The following ADAM32 variants were observed in gnomAD, a reference collection of about 807,000 sequenced individuals.
ADAM32 encodes the protein disintegrin and metalloproteinase domain-containing protein 32.
A neutral mutation model predicts 114.9 loss-of-function variants in ADAM32; 89 were observed. The ratio of observed to expected loss-of-function variants is 0.77; its 90% confidence interval spans 0.65 to 0.92. The LOEUF is 0.92. Ranked by LOEUF, ADAM32 falls within the 40% of genes least tolerant of loss-of-function variation. The pLI is 0.00. For missense variants in ADAM32, 870 were observed against 932.8 expected (o/e 0.93, Z 0.88); for synonymous variants, 285 against 307.5 (o/e 0.93, Z 0.77).
At chr8:39,271,641 G>A (rs1404558186) in intron 20 of ADAM32, among the ~76,000 whole-genome samples, 1 of 151,834 alleles carries the variant, frequency 6.6e-6, no homozygotes, top group African/African-American at 2.4e-5. Flanking sequence ...TTTTTAAATT[G>A]TTTAGGGAAA....
intron 17 of ADAM32, among the ~76,000 whole-genome samples, chr8:39,253,795 G>A (rs1811458232): frequency 6.6e-6 from 1 of 151,412 alleles, no homozygotes; most frequent in South Asian, 2.1e-4. Context: ...ATATTCCACG[G>A]ATTGAAGAAA....
rs1804422749 is a variant in ADAM32 at position 39,160,377 on chromosome 8, A to G, written c.526-520A>G. ...AACACAGTGAAACTCCGCCTCTACTAAAAATACAAAAAATTAGCCCGGCGT... is the reference window on the plus strand; with the variant it reads ...AACACAGTGAAACTCCGCCTCTACTGAAAATACAAAAAATTAGCCCGGCGT... On this transcript the variant is annotated intron_variant, in intron 6 of 24. Coordinates refer to ENST00000379907, the MANE Select transcript of ADAM32 (RefSeq NM_145004.7). Among the ~76,000 whole-genome samples, 3 of 152,064 alleles carry G rather than the reference A, an allele frequency of 2.0e-5. 1 individual carries two copies. In the South Asian group the frequency reaches 6.2e-4, roughly 32 times the overall value.
At chr8:39,209,721 C>T (rs1248760910) in intron 11 of ADAM32, among the ~76,000 whole-genome samples, 2 of 152,208 alleles carry the variant, frequency 1.3e-5, no homozygotes, top group African/African-American at 2.4e-5. Flanking sequence ...CGCTGTGGCT[C>T]TCTTGAAGAT....
chr8:39,243,863 A>G (rs532320072), intron 16 of ADAM32, among the ~76,000 whole-genome samples: 4 of 152,270 alleles, frequency 2.6e-5, no homozygotes, highest in African/African-American at 7.2e-5. Flanking sequence ...TGCCAATGAT[A>G]TGATCATATA....
chr8:39,283,486 G>A, intron 23 of ADAM32, 100 bp from the exon 24 acceptor site: 5 of 741,726 alleles, frequency 6.7e-6, no homozygotes, highest in South Asian at 2.9e-5. Flanking sequence ...GTACAACTTT[G>A]AACGGAAAGA....
chr8:39,172,927 C>T (rs752358532), intron 10 of ADAM32, among the ~76,000 whole-genome samples: 1 of 152,182 alleles, frequency 6.6e-6, no homozygotes, highest in Non-Finnish European at 1.5e-5. Flanking sequence ...CAGTGTCTTC[C>T]ACAATGGCTG....
chr8:39,187,110 T>A (rs1328832545), intron 11 of ADAM32, 65 bp downstream of exon 11: 1 of 1,455,464 alleles, frequency 6.9e-7, no homozygotes, highest in African/African-American at 1.4e-5. Context: ...AGTGTGAAAA[T>A]TTAGTATTTA....
chr8:39,282,792 G>T (rs951753962), intron 23 of ADAM32, among the ~76,000 whole-genome samples: 1 of 151,952 alleles, frequency 6.6e-6, no homozygotes, highest in African/African-American at 2.4e-5. Context: ...AAATCTAATG[G>T]GTGTACATTT....
Position 39,153,086 on chromosome 8 carries a change from T to G in ADAM32, c.525+1538T>G, listed in dbSNP as rs1483013265. ...GGAACTACCATACCTCTTCACAAATTTATGTGAGAGAGAAATAGACTCTAA... is the reference window on the plus strand; with the variant it reads ...GGAACTACCATACCTCTTCACAAATGTATGTGAGAGAGAAATAGACTCTAA... On this transcript the variant is annotated intron_variant, in intron 6 of 24. Transcript: ENST00000379907. Among the ~76,000 whole-genome samples the G allele has an allele frequency of 2.0e-5, 3 of 152,144 alleles. No individual in the cohort carries two copies. The East Asian group carries it at 5.8e-4, about 29-fold the overall frequency.
At chr8:39,154,741 A>T (rs1269313807) in intron 6 of ADAM32, among the ~76,000 whole-genome samples, 1 of 152,112 alleles carries the variant, frequency 6.6e-6, no homozygotes, top group South Asian at 2.1e-4. Flanking sequence ...TCTAACTGGC[A>T]TGAGATGGTA....
rs554899862 is a variant in ADAM32 at position 39,226,880 on chromosome 8, C to T, written c.1525+3642C>T. ...TAGTCAAATTCAGAATACCAAATAC[C>T]GAAATGGCGATGTGTCTCTAGTATA... On this transcript the variant is annotated intron_variant, in intron 14 of 24. Transcript: ENST00000379907. 7.2e-5 allele frequency among the ~76,000 whole-genome samples: 11 copies of T among 152,136 alleles called. No homozygotes were observed. The East Asian group carries it at 9.6e-4, about 13-fold the overall frequency.
At chr8:39,148,523 T>A (rs1275326861) in intron 4 of ADAM32, among the ~76,000 whole-genome samples, 3 of 151,826 alleles carry the variant, frequency 2.0e-5, no homozygotes, top group Non-Finnish European at 4.4e-5. Context: ...TATCAATACA[T>A]GATGTATCAT....
At chr8:39,267,078 C>G (rs891311493) in intron 19 of ADAM32, among the ~76,000 whole-genome samples, 3 of 152,198 alleles carry the variant, frequency 2.0e-5, no homozygotes, top group Non-Finnish European at 4.4e-5. Context: ...ATGGGGGCTG[C>G]CAGCAAAAGC....
At position 39,107,750 on chromosome 8, in the gene ADAM32, C is replaced by G. The variant is rs370539353; in HGVS notation, c.-26C>G. 135 of 1,550,448 alleles carry G rather than the reference C, an allele frequency of 8.7e-5. 1 individual carries two copies. In the African/African-American group the frequency reaches 1.7e-3, roughly 20 times the overall value. On this transcript the variant is annotated 5_prime_UTR_variant, in exon 1 of 25. Coordinates refer to ENST00000379907, the MANE Select transcript of ADAM32 (RefSeq NM_145004.7). ...GCAATTCCCGACTTCCCAACGGCTT[C>G]CCGCTGGCAGCCCCGAAGCCGCACC...
intron 19 of ADAM32, among the ~76,000 whole-genome samples, chr8:39,264,726 C>G (rs538934754): frequency 1.3e-5 from 2 of 152,030 alleles, no homozygotes; most frequent in Non-Finnish European, 2.9e-5. Context: ...TAGCTGTGTC[C>G]CAGAGTTTCT....
At chr8:39,130,604 T>C (rs1382225043) in intron 2 of ADAM32, among the ~76,000 whole-genome samples, 1 of 152,208 alleles carries the variant, frequency 6.6e-6, no homozygotes, top group Non-Finnish European at 1.5e-5. Context: ...GTTTTTGTTT[T>C]CATTCAGTTA....
chr8:39,189,436 T>C (rs921876187), intron 11 of ADAM32, among the ~76,000 whole-genome samples: 1 of 152,170 alleles, frequency 6.6e-6, no homozygotes, highest in African/African-American at 2.4e-5. Context: ...ATCATTTTTT[T>C]TGGGGTAAAA....
At chr8:39,257,705 T>A (rs1394133565) in intron 19 of ADAM32, among the ~76,000 whole-genome samples, 1 of 152,132 alleles carries the variant, frequency 6.6e-6, no homozygotes, top group African/African-American at 2.4e-5. Flanking sequence ...ATATTTTAAT[T>A]CACATTGCTG....
chr8:39,163,661 C>G (rs868280150), intron 7 of ADAM32, among the ~76,000 whole-genome samples: 4 of 152,134 alleles, frequency 2.6e-5, no homozygotes, highest in Non-Finnish European at 4.4e-5. Flanking sequence ...GCTGTTCTAG[C>G]CATTGGGGAT....
Sources: gnomAD v4.1 joint callset for allele counts (sites outside exome capture counted in the v4.1 genomes callset) on GRCh38, gnomAD v4.1.1 for gene constraint, MANE v1.5 for transcripts, NCBI Gene and HGNC (gene_info 2026-07-23, HGNC 2026-07-21) for gene names.